Variants in UNK observed in about 807,000 individuals in gnomAD.
The protein encoded by UNK is RING finger protein unkempt homolog.
A neutral mutation model predicts 97.6 loss-of-function variants in UNK; 32 were observed. The ratio of observed to expected loss-of-function variants is 0.33; its 90% CI spans 0.25 to 0.44. The LOEUF is 0.44. UNK is among the 20% of genes least tolerant of loss of function. UNK has a pLI of 1.00. For synonymous variants in UNK, 441 were observed against 461.2 expected (o/e 0.96, Z 0.56); for missense variants, 771 against 1,098.4 (o/e 0.70, Z 4.21).
Position 75,817,196 on chromosome 17 carries a change from A to T in UNK, c.1105-130A>T. 1 of 1,148,454 alleles carries T rather than the reference A, an allele frequency of 8.7e-7. No individual in the cohort carries two copies. Among genetic ancestry groups the T allele is most frequent in the Non-Finnish European group, 1.2e-6 (1 of 828,702 alleles). The allele number at this position is 1,148,454 out of a possible 1,614,324, so 71.1% of individuals were successfully genotyped here. On this transcript the variant is annotated intron_variant, in intron 8 of 15. Transcript: ENST00000589666. This position sits in a 1 kb window ranked among gnomAD's most constrained non-coding sequence, Gnocchi z 5.8. ...TGAGCTTCGGGCTCCCCGAGTGGTC[A>T]CTGCTGCTCGTTGGCAGATGAAAGT...
chr17:75,814,935 G>A (rs2062003637), intron 6 of UNK, among the ~76,000 whole-genome samples: 1 of 152,190 alleles, frequency 6.6e-6, no homozygotes, highest in Non-Finnish European at 1.5e-5. Context: ...TGGGAGGGCT[G>A]GTGGGACCTG....
chr17:75,823,379 A>C lies in UNK; in HGVS notation c.2134A>C (p.Lys712Gln), dbSNP rs1330021963. 4 of 1,610,864 alleles carry C rather than the reference A, an allele frequency of 2.5e-6. No homozygotes were observed. Among genetic ancestry groups the C allele is most frequent in the South Asian group, 1.1e-5 (1 of 90,906 alleles). ...QRDALEVQVK[K>Q]LQEELERLHA... is the part of the protein sequence containing the mutation. Reference sequence around the variant, plus strand: ...GGATGCACTGGAGGTGCAGGTGAAGAAGCTCCAGGAGGAGCTGGAGCGGCT... The same window carrying C: ...GGATGCACTGGAGGTGCAGGTGAAGCAGCTCCAGGAGGAGCTGGAGCGGCT... The change falls in exon 15 of 16, where the codon AAG becomes CAG. Residue 712 changes from lysine (K) to glutamine (Q), a missense_variant. Coordinates refer to ENST00000589666, the MANE Select transcript of UNK (RefSeq NM_001080419.3).
chr17:75,824,374 GC>G lies in UNK; in HGVS notation c.2394del (p.Ile799SerfsTer27). ...GAGCTCTGCGCTGAGGGCAGCGAGT[GC>G]CCCATCTGCCAGCCTGGCCGGGCCC... ...LCELCAEGSE[C>X]PICQPGRAHT... On this transcript the variant is annotated frameshift_variant, in exon 16 of 16. Transcript: ENST00000589666. LOFTEE classifies it high-confidence loss of function. The surrounding 1 kb of genome is among the most constrained non-coding windows in gnomAD (Gnocchi z 4.9). 1.9e-6 allele frequency: 3 copies of G among 1,572,180 alleles called. No homozygotes were observed. The highest frequency in any genetic ancestry group is 2.4e-5 in the East Asian group (1 of 41,764).
chr17:75,785,269 T>C lies in UNK; in HGVS notation c.104+285T>C, dbSNP rs528336636. 1.6e-5 allele frequency: 6 copies of C among 381,606 alleles called. No homozygotes were observed. In the East Asian group the frequency reaches 3.3e-4, roughly 21 times the overall value. 23.6% of individuals were successfully genotyped at this position (381,606 alleles called of 1,614,324 possible). Reference sequence around the variant, plus strand: ...CTCCCTAGGCCAGGCCTTCGAGGCCTAACTGTTCCTCAGACCATAAAACCA... The same window carrying C: ...CTCCCTAGGCCAGGCCTTCGAGGCCCAACTGTTCCTCAGACCATAAAACCA... On this transcript the variant is annotated intron_variant, in intron 1 of 15. Transcript: ENST00000589666.
chr17:75,795,211 A>G (rs967476715), intron 1 of UNK, among the ~76,000 whole-genome samples: 32 of 152,120 alleles, frequency 2.1e-4, no homozygotes, highest in African/African-American at 7.5e-4. Flanking sequence ...ACAGAAAACA[A>G]TGTACAAAGA....
intron 13 of UNK, chr17:75,821,334 C>T (rs1238935612): frequency 2.9e-5 from 13 of 455,646 alleles, no homozygotes; most frequent in Non-Finnish European, 5.3e-5. Context: ...TGCTGTCCAG[C>T]AGCTGTGGCC....
intron 1 of UNK, among the ~76,000 whole-genome samples, chr17:75,786,704 A>G (rs2061714794): frequency 6.6e-6 from 1 of 152,168 alleles, no homozygotes; most frequent in South Asian, 2.1e-4. Context: ...AAAAATACAA[A>G]AAATTAGCTG....
chr17:75,807,438 A>AATTTATGT (rs1555593942), intron 1 of UNK, among the ~76,000 whole-genome samples: 2 of 152,068 alleles, frequency 1.3e-5, no homozygotes, highest in African/African-American at 4.8e-5. Context: ...GGAAACAGAT[A>AATTTATGT]ATTTATGTAT....
chr17:75,821,429 T>G, intron 13 of UNK: 1 of 452,648 alleles, frequency 2.2e-6, no homozygotes, highest in Middle Eastern at 3.3e-4. Flanking sequence ...TCAGGAGAGC[T>G]TCTCCAAGGG....
chr17:75,818,027 C>T lies in UNK; in HGVS notation c.1306-76C>T, dbSNP rs1204451964. On this transcript the variant is annotated intron_variant, in intron 9 of 15. Coordinates refer to ENST00000589666, the MANE Select transcript of UNK (RefSeq NM_001080419.3). This position sits in a 1 kb window ranked among gnomAD's most constrained non-coding sequence, Gnocchi z 5.1. ...TCTGCCACCACCTGCCCCCTGGTAC[C>T]TGCAGCCTCAGGGTCAGATGGACTC... 6 of 1,466,848 alleles carry T rather than the reference C, an allele frequency of 4.1e-6. No homozygotes were observed. In the East Asian group the frequency reaches 1.4e-4, roughly 33 times the overall value. 90.9% of individuals were successfully genotyped at this position (1,466,848 alleles called of 1,614,324 possible).
intron 13 of UNK, chr17:75,821,828 C>T (rs980529866): frequency 1.4e-5 from 6 of 423,778 alleles, no homozygotes; most frequent in Admixed American, 7.5e-5. Context: ...GCTGGGTTGG[C>T]GGTGGGTGGG....
chr17:75,819,730 C>T lies in UNK; in HGVS notation c.1593C>T (p.Ala531=). The stretch of plus-strand genomic sequence containing the variant: ...ACCTGAATGAGTTTGGCGTGGCCGC[C>T]CTGGAGAAGACTTTCGATAACAGCA... ...DLDLNEFGVA[A]LEKTFDNSTV... The change falls in exon 12 of 16, where the codon GCC becomes GCT. Residue 531 remains alanine, a synonymous_variant. Transcript: ENST00000589666. The surrounding 1 kb of genome is among the most constrained non-coding windows in gnomAD (Gnocchi z 5.4). 1 of 1,613,874 alleles carries T rather than the reference C, an allele frequency of 6.2e-7. No homozygotes were observed. Among genetic ancestry groups the T allele is most frequent in the Non-Finnish European group, 8.5e-7 (1 of 1,179,892 alleles).
chr17:75,805,042 G>A (rs1333489986), intron 1 of UNK, among the ~76,000 whole-genome samples: 5 of 151,212 alleles, frequency 3.3e-5, no homozygotes, highest in African/African-American at 7.3e-5. Context: ...TTAGCCGGGC[G>A]TGGTGGCAGG....
Position 75,824,883 on chromosome 17 carries a change from A to C in UNK, c.*466A>C, listed in dbSNP as rs1439907545. 1 of 152,234 alleles carries C rather than the reference A, an allele frequency of 6.6e-6. No homozygotes were observed. The highest frequency in any genetic ancestry group is 2.4e-5 in the African/African-American group (1 of 41,438). 9.4% of individuals were successfully genotyped at this position (152,234 alleles called of 1,614,324 possible). A position where few individuals can be genotyped will look rare whatever the true frequency, so the allele number is the denominator to read the frequency against. On this transcript the variant is annotated 3_prime_UTR_variant, in exon 16 of 16. Transcript: ENST00000589666. This position sits in a 1 kb window ranked among gnomAD's most constrained non-coding sequence, Gnocchi z 4.9. ...TGGAAGGCACTAAGGGGAAGGGAGA[A>C]GCCCTCAGGGCAGGCCCTGCTCCCC...
intron 15 of UNK, 57 bp downstream of exon 15, chr17:75,823,579 G>C (rs1356070723): frequency 1.4e-6 from 2 of 1,475,608 alleles, no homozygotes; most frequent in East Asian, 2.5e-5. Flanking sequence ...GCCAGCTCTT[G>C]GACTCTGACC....
At position 75,823,357 on chromosome 17, in the gene UNK, T is replaced by C. The variant is rs2062087151; in HGVS notation, c.2112T>C (p.Asp704=). 2 of 1,611,520 alleles carry C rather than the reference T, an allele frequency of 1.2e-6. No individual in the cohort carries two copies. Among genetic ancestry groups the C allele is most frequent in the Non-Finnish European group, 1.7e-6 (2 of 1,179,158 alleles). Residue 704 remains aspartate (D), a synonymous_variant, in exon 15 of 16, where the codon GAT becomes GAC. Coordinates refer to ENST00000589666, the MANE Select transcript of UNK (RefSeq NM_001080419.3). ...GCGAGCTGGCCCGGGAGCAGCGGGA[T>C]GCACTGGAGGTGCAGGTGAAGAAGC... The part of the protein sequence containing the change: ...AECELAREQR[D]ALEVQVKKLQ...
intron 2 of UNK, among the ~76,000 whole-genome samples, chr17:75,810,398 C>T (rs2061957925): frequency 6.6e-6 from 1 of 152,094 alleles, no homozygotes; most frequent in South Asian, 2.1e-4. Flanking sequence ...CAGGGAGGTG[C>T]CACACCTGGG....
chr17:75,805,579 T>C (rs1599373396), intron 1 of UNK, among the ~76,000 whole-genome samples: 1 of 151,438 alleles, frequency 6.6e-6, no homozygotes, highest in East Asian at 2.0e-4. Context: ...GGAGGATTAC[T>C]TGAGCTCAGG....
intron 4 of UNK, among the ~76,000 whole-genome samples, chr17:75,812,803 C>T (rs576961413): frequency 2.0e-5 from 3 of 152,394 alleles, no homozygotes; most frequent in South Asian, 2.1e-4. Flanking sequence ...TGCACAGGCA[C>T]GTACATAAGC....
Sources: allele counts gnomAD v4.1 joint callset (sites outside exome capture counted in the v4.1 genomes callset), GRCh38; gene constraint gnomAD v4.1.1; non-coding constraint Gnocchi (gnomAD v3.1); transcripts MANE v1.5; gene names NCBI Gene and HGNC (gene_info 2026-07-23, HGNC 2026-07-21).